The following CCSER1 variants were observed in gnomAD, a reference collection of about 807,000 sequenced individuals.
CCSER1 encodes serine-rich coiled-coil domain-containing protein 1.
Under a neutral mutation model 82.0 loss-of-function variants are expected in CCSER1, and 41 were observed. The ratio of observed to expected loss-of-function variants is 0.50; its 90% CI spans 0.39 to 0.65. The LOEUF (loss-of-function observed/expected upper bound fraction) is 0.65. CCSER1 is among the 30% of genes least tolerant of loss of function. The probability of loss-of-function intolerance (pLI) is 0.00; values close to 1 mark genes in which losing one functional copy is unlikely to be tolerated. For missense variants in CCSER1, 1,119 were observed against 1,064.2 expected (o/e 1.05, Z -0.72); for synonymous variants, 414 against 383.9 (o/e 1.08, Z -0.92).
At chr4:90,672,979 A>G (rs913031018) in intron 6 of CCSER1, among the ~76,000 whole-genome samples, 1 of 151,978 alleles carries the variant, frequency 6.6e-6, no homozygotes. Flanking sequence ...AACATCAAAG[A>G]TCACTGACCA....
At chr4:90,740,645 C>T (rs1168492266) in intron 7 of CCSER1, among the ~76,000 whole-genome samples, 1 of 152,182 alleles carries the variant, frequency 6.6e-6, no homozygotes, top group Non-Finnish European at 1.5e-5. Flanking sequence ...AACATTAATA[C>T]ATACTAAAAA....
chr4:90,659,605 A>G (rs1334387891), intron 6 of CCSER1, among the ~76,000 whole-genome samples: 1 of 152,086 alleles, frequency 6.6e-6, no homozygotes, highest in Non-Finnish European at 1.5e-5. Context: ...CATTGTGACT[A>G]TGAGTCTGAT....
intron 6 of CCSER1, among the ~76,000 whole-genome samples, chr4:90,712,969 T>G (rs569827150): frequency 6.6e-6 from 1 of 151,938 alleles, no homozygotes; most frequent in Non-Finnish European, 1.5e-5. Context: ...TTGCAACCCC[T>G]GCTTTTTTCT....
At chr4:90,608,869 T>A (rs1197151624) in intron 5 of CCSER1, among the ~76,000 whole-genome samples, 3 of 152,288 alleles carry the variant, frequency 2.0e-5, no homozygotes, top group East Asian at 1.9e-4. Flanking sequence ...TTAGAATTTT[T>A]AATCTGTTTT....
At chr4:91,455,982 T>A (rs377722768) in intron 10 of CCSER1, among the ~76,000 whole-genome samples, 50 of 152,220 alleles carry the variant, frequency 3.3e-4, no homozygotes, top group East Asian at 1.9e-3. Context: ...ATCTCTGTAA[T>A]TCTGACCTAA....
At chr4:90,815,738 G>A (rs775520433) in intron 7 of CCSER1, 24 bp from the exon 8 acceptor site, 1 of 1,524,312 alleles carries the variant, frequency 6.6e-7, no homozygotes, top group South Asian at 1.2e-5. Flanking sequence ...AGCCTATTAT[G>A]CTGTCTCTTT....
intron 10 of CCSER1, among the ~76,000 whole-genome samples, chr4:91,363,882 A>T (rs1184606206): frequency 6.6e-6 from 1 of 151,676 alleles, no homozygotes; most frequent in Non-Finnish European, 1.5e-5. Context: ...ATGACTTTGG[A>T]TGAAGACAGT....
intron 7 of CCSER1, among the ~76,000 whole-genome samples, chr4:90,806,629 A>G (rs1309635076): frequency 6.6e-6 from 1 of 152,126 alleles, no homozygotes; most frequent in Non-Finnish European, 1.5e-5. Flanking sequence ...AGCTCTCCAG[A>G]TGAAGTTCAA....
chr4:90,860,319 A>T (rs190849482), intron 8 of CCSER1, among the ~76,000 whole-genome samples: 29 of 151,650 alleles, frequency 1.9e-4, no homozygotes, highest in Non-Finnish European at 3.7e-4. Flanking sequence ...CTTGACACCC[A>T]CTAGGATGGC....
intron 10 of CCSER1, among the ~76,000 whole-genome samples, chr4:91,229,153 A>G (rs554847302): frequency 2.0e-5 from 3 of 152,208 alleles, no homozygotes; most frequent in South Asian, 2.1e-4. Context: ...GGTAAAGGTT[A>G]AAAGAACACA....
intron 9 of CCSER1, among the ~76,000 whole-genome samples, chr4:91,069,175 TAAAAA>T (rs749308046): frequency 1.1e-3 from 172 of 151,834 alleles, no homozygotes; most frequent in Non-Finnish European, 1.6e-3. Flanking sequence ...AAAAAATAAA[TAAAAA>T]ATAAAAATTT....
chr4:90,533,198 TCTC>T (rs1266750268), intron 5 of CCSER1, among the ~76,000 whole-genome samples: 1 of 150,196 alleles, frequency 6.7e-6, no homozygotes, highest in East Asian at 2.0e-4. Flanking sequence ...TTCACGCCAT[TCTC>T]CTGCCTCACC....
At chr4:90,744,897 G>T (rs574888890) in intron 7 of CCSER1, among the ~76,000 whole-genome samples, 1 of 151,766 alleles carries the variant, frequency 6.6e-6, no homozygotes, top group African/African-American at 2.4e-5. Context: ...GTGCCAAAAA[G>T]GTTGGACTAG....
chr4:90,329,726 G>T (rs1579218356), intron 3 of CCSER1, among the ~76,000 whole-genome samples: 1 of 152,056 alleles, frequency 6.6e-6, no homozygotes, highest in African/African-American at 2.4e-5. Context: ...TGAATGCTAT[G>T]ATTTATGTTA....
chr4:91,566,798 G>A (rs528238526), intron 10 of CCSER1, among the ~76,000 whole-genome samples: 1 of 152,020 alleles, frequency 6.6e-6, no homozygotes, highest in Admixed American at 6.6e-5. Context: ...TATTAGTATA[G>A]CTAGTAACCT....
intron 10 of CCSER1, among the ~76,000 whole-genome samples, chr4:91,327,973 C>A (rs1746685549): frequency 6.6e-6 from 1 of 152,184 alleles, no homozygotes. Context: ...CCATCTGAGA[C>A]CACCTCAGCC....
rs569297935 is a variant in CCSER1, at chr4:91,411,008, G to A, written c.2218-187564G>A. Among the ~76,000 whole-genome samples, 3 of 152,072 alleles carry A rather than the reference G, an allele frequency of 2.0e-5. No homozygotes were observed. In the South Asian group the frequency reaches 6.2e-4, roughly 32 times the overall value. On this transcript the variant is annotated intron_variant, in intron 10 of 10. Coordinates refer to ENST00000509176, the MANE Select transcript of CCSER1 (RefSeq NM_001145065.2). ...CCCCAACTAAAATGATTATAGTTAT[G>A]TGAAGTTAATAATCTGTTGTTAGAT...
chr4:91,587,711 A>G (rs1194054344), intron 10 of CCSER1, among the ~76,000 whole-genome samples: 5 of 151,802 alleles, frequency 3.3e-5, no homozygotes, highest in African/African-American at 1.2e-4. Context: ...TTTTTCTTAC[A>G]TCGAATGCAG....
chr4:91,532,869 C>CTTTAAATTTTAAGCTCTTTAAGACTGA (rs1761107967), intron 10 of CCSER1, among the ~76,000 whole-genome samples: 1 of 144,444 alleles, frequency 6.9e-6, no homozygotes, highest in Admixed American at 6.8e-5. Context: ...AACCCTGTCT[C>CTTTAAATTTTAAGCTCTTTAAGACTGA]ATAAAAAAAA....
Sources: gnomAD v4.1 joint callset for allele counts (sites outside exome capture counted in the v4.1 genomes callset) on GRCh38, gnomAD v4.1.1 for gene constraint, MANE v1.5 for transcripts, NCBI Gene and HGNC (gene_info 2026-07-23, HGNC 2026-07-21) for gene names.